Variants in RXFP2 observed in about 807,000 individuals in gnomAD.
The protein encoded by RXFP2 is relaxin receptor 2.
In RXFP2, 68 loss-of-function variants were observed where a neutral mutation model predicts 88.6. The observed-to-expected ratio is 0.77, with a 90% confidence interval of 0.63 to 0.94. RXFP2 has a LOEUF of 0.94. Among genes scored for constraint, RXFP2 ranks in the 40% least tolerant of loss-of-function variants. RXFP2 has a pLI of 0.00. For missense variants in RXFP2, 791 were observed against 893.9 expected (o/e 0.88, Z 1.47); for synonymous variants, 329 against 306.8 (o/e 1.07, Z -0.76).
chr13:31,777,502 G>A (rs759345607), intron 8 of RXFP2, 55 bp downstream of exon 8: 2 of 1,262,310 alleles, frequency 1.6e-6, no homozygotes, highest in Non-Finnish European at 2.3e-6. Flanking sequence ...ATGACATCTA[G>A]CACTAGCTTA....
intron 16 of RXFP2, among the ~76,000 whole-genome samples, chr13:31,795,624 T>A (rs898369732): frequency 3.3e-5 from 5 of 152,240 alleles, no homozygotes; most frequent in African/African-American, 1.2e-4. Flanking sequence ...TTTCATTGAA[T>A]ACGAAATGAT....
At chr13:31,799,717 G>T (rs111499260) in intron 17 of RXFP2, among the ~76,000 whole-genome samples, 2 of 152,246 alleles carry the variant, frequency 1.3e-5, no homozygotes, top group South Asian at 2.1e-4. Context: ...ATTCCTGCCT[G>T]TTTTAATCTT....
rs1252615691 is a variant in RXFP2, at chr13:31,758,244, C to T, written c.95-14C>T. Reference sequence around the variant, plus strand: ...CCATGGTAACACTTTGTTTTTGCCCCTTCTTTCATGTAGATTTTGCACTGA... The same window carrying T: ...CCATGGTAACACTTTGTTTTTGCCCTTTCTTTCATGTAGATTTTGCACTGA... On this transcript the variant is annotated splice_polypyrimidine_tract_variant and intron_variant, in intron 1 of 17. Coordinates refer to ENST00000298386, the MANE Select transcript of RXFP2 (RefSeq NM_130806.5). 25 of 1,614,010 alleles carry T rather than the reference C, an allele frequency of 1.5e-5. No individual in the cohort carries two copies. Among genetic ancestry groups the T allele is most frequent in the Non-Finnish European group, 2.1e-5 (25 of 1,179,918 alleles).
chr13:31,786,493 A>G (rs1469046833), intron 12 of RXFP2, 39 bp downstream of exon 12: 6 of 1,551,946 alleles, frequency 3.9e-6, no homozygotes, highest in Non-Finnish European at 5.3e-6. Context: ...TTTAAAGGGC[A>G]ATATTTTGAG....
chr13:31,750,156 C>T (rs531077360), intron 1 of RXFP2, among the ~76,000 whole-genome samples: 20 of 152,182 alleles, frequency 1.3e-4, no homozygotes, highest in African/African-American at 4.8e-4. Flanking sequence ...GACTAACCTC[C>T]CTAAAGAATT....
At chr13:31,778,318 AG>A (rs879739773) in intron 8 of RXFP2, among the ~76,000 whole-genome samples, 193 bp from the exon 9 acceptor site, 2 of 152,204 alleles carry the variant, frequency 1.3e-5, no homozygotes, top group African/African-American at 2.4e-5. Context: ...ATGCATTCAT[AG>A]TTTCTTTGAC....
rs878971947 is a variant in RXFP2 at position 31,782,622 on chromosome 13, C to G, written c.858-54C>G. The G allele has an allele frequency of 2.3e-6, 3 of 1,314,640 alleles. No homozygotes were observed. The South Asian group carries it at 3.5e-5, about 15-fold the overall frequency. 81.4% of individuals were successfully genotyped at this position (1,314,640 alleles called of 1,614,324 possible). A position where few individuals can be genotyped will look rare whatever the true frequency, so the allele number is the denominator to read the frequency against. The stretch of plus-strand genomic sequence containing the variant: ...GATCAGTGGCCTCTCCCAATGAGAA[C>G]TGATTACTACAGCAGACGCAAACCC... On this transcript the variant is annotated intron_variant, in intron 10 of 17. Transcript: ENST00000298386.
chr13:31,741,602 T>C (rs896547519), intron 1 of RXFP2, among the ~76,000 whole-genome samples: 1 of 152,126 alleles, frequency 6.6e-6, no homozygotes, highest in Admixed American at 6.5e-5. Context: ...AAACAAAACA[T>C]AAAATTAGAA....
In RXFP2 at chr13:31,789,250, C is replaced by A; in HGVS notation, c.1145+57C>A. 3.8e-6 allele frequency: 4 copies of A among 1,057,048 alleles called. 1 individual carries two copies. In the South Asian group the frequency reaches 5.0e-5, roughly 13 times the overall value. The allele number at this position is 1,057,048 out of a possible 1,614,324, so 65.5% of individuals were successfully genotyped here. Reference sequence around the variant, plus strand: ...ATGGTAAAATGCTTCAAATTATCTCCTGTAAACTGTCTAATGTATCACTGC... The same window carrying A: ...ATGGTAAAATGCTTCAAATTATCTCATGTAAACTGTCTAATGTATCACTGC... On this transcript the variant is annotated intron_variant, in intron 14 of 17. Transcript: ENST00000298386.
At chr13:31,792,104 T>C (rs544480213) in intron 15 of RXFP2, 69 bp downstream of exon 15, 2 of 1,126,532 alleles carry the variant, frequency 1.8e-6, no homozygotes, top group African/African-American at 3.1e-5. Flanking sequence ...CATATATATG[T>C]ATTTATTGGC....
Position 31,760,334 on chromosome 13 carries a change from G to C in RXFP2, c.242-1390G>C, listed in dbSNP as rs570423989. Among the ~76,000 whole-genome samples, 3 of 152,158 alleles carry C rather than the reference G, an allele frequency of 2.0e-5. No individual in the cohort carries two copies. In the South Asian group the frequency reaches 6.2e-4, roughly 32 times the overall value. On this transcript the variant is annotated intron_variant, in intron 2 of 17. Transcript: ENST00000298386. ...TGGAACTCCTGACCTTAGGTGATCC[G>C]CCCGCCTCGGCCTCCCAAAGTGCTG...
intron 3 of RXFP2, 134 bp downstream of exon 3, chr13:31,761,935 G>A: frequency 1.5e-6 from 1 of 658,302 alleles, no homozygotes. Context: ...CTGGCTAACA[G>A]GTCTGCTGTC....
chr13:31,756,925 C>CT (rs202206361), intron 1 of RXFP2, among the ~76,000 whole-genome samples: 1 of 152,030 alleles, frequency 6.6e-6, no homozygotes, highest in South Asian at 2.1e-4. Context: ...GGACAGGACT[C>CT]TTTTTAAAAA....
Position 31,758,352 on chromosome 13 carries a change from T to C in RXFP2, c.189T>C (p.Phe63=). Residue 63 remains phenylalanine, a synonymous_variant, in exon 2 of 18, where the codon TTT becomes TTC. Transcript: ENST00000298386. ...GNLTKCLPRA[F]HCDGKDDCGN... The stretch of plus-strand genomic sequence containing the variant: ...TTACCAAGTGCTTACCCCGAGCTTT[T>C]CACTGTGATGGCAAGGATGACTGTG... The C allele has an allele frequency of 1.2e-6, 2 of 1,614,166 alleles. No individual in the cohort carries two copies. The highest frequency in any genetic ancestry group is 2.2e-5 in the South Asian group (2 of 91,086).
At chr13:31,751,543 T>TG (rs1386761757) in intron 1 of RXFP2, among the ~76,000 whole-genome samples, 8 of 152,228 alleles carry the variant, frequency 5.3e-5, no homozygotes, top group African/African-American at 1.9e-4. Flanking sequence ...TTATGTGAGG[T>TG]GGGTCCTGCC....
At chr13:31,771,800 A>AAAAAAGAAAG in intron 5 of RXFP2, among the ~76,000 whole-genome samples, 1 of 151,730 alleles carries the variant, frequency 6.6e-6, no homozygotes, top group Non-Finnish European at 1.5e-5. Flanking sequence ...TTAAAAAAAA[A>AAAAAAGAAAG]AAAGAAAGAA....
At position 31,792,814 on chromosome 13, in the gene RXFP2, G is replaced by C; in HGVS notation, c.1512G>C (p.Leu504=). The part of the protein sequence containing the change: ...QCRLMGFLAM[L]STEVSVLLLT... ...GCCTCATGGGGTTCCTGGCCATGCT[G>C]TCCACCGAAGTCTCTGTTCTGCTAC... Residue 504 remains leucine (L), a synonymous_variant, in exon 16 of 18, where the codon CTG becomes CTC. Coordinates refer to ENST00000298386, the MANE Select transcript of RXFP2 (RefSeq NM_130806.5). 6.2e-7 allele frequency: 1 copy of C among 1,614,136 alleles called. No individual in the cohort carries two copies. The highest frequency in any genetic ancestry group is 8.5e-7 in the Non-Finnish European group (1 of 1,180,030).
chr13:31,794,776 G>C (rs1338656751), intron 16 of RXFP2, among the ~76,000 whole-genome samples: 5 of 152,122 alleles, frequency 3.3e-5, no homozygotes, highest in Admixed American at 6.5e-5. Flanking sequence ...CAGGGAACAG[G>C]GTAAGATGAA....
chr13:31,750,414 A>G (rs1871613851), intron 1 of RXFP2, among the ~76,000 whole-genome samples: 1 of 152,218 alleles, frequency 6.6e-6, no homozygotes, highest in Non-Finnish European at 1.5e-5. Context: ...ATGTTAAAAT[A>G]TATGGTAACT....
Sources: allele counts gnomAD v4.1 joint callset (sites outside exome capture counted in the v4.1 genomes callset), GRCh38; gene constraint gnomAD v4.1.1; transcripts MANE v1.5; gene names NCBI Gene and HGNC (gene_info 2026-07-23, HGNC 2026-07-21).